Variants in PDE4D observed in about 807,000 individuals in gnomAD.
The protein encoded by PDE4D is phosphodiesterase 4D, also known as 3',5'-cyclic-AMP phosphodiesterase 4D.
In PDE4D, 24 loss-of-function variants were observed where a neutral mutation model predicts 87.4. The observed-to-expected ratio is 0.27, with a 90% CI of 0.20 to 0.39. The LOEUF (loss-of-function observed/expected upper bound fraction) is 0.39, where lower values mean the gene tolerates loss of function less well. Among genes scored for constraint, PDE4D ranks in the 10% least tolerant of loss-of-function variants. PDE4D has a pLI of 1.00. For synonymous variants in PDE4D, 384 were observed against 383.2 expected (o/e 1.00, Z -0.02); for missense variants, 714 against 1,041.0 (o/e 0.69, Z 4.32).
intron 1 of PDE4D, among the ~76,000 whole-genome samples, chr5:59,678,003 C>T (rs1484781446): frequency 2.0e-5 from 3 of 152,154 alleles, no homozygotes; most frequent in Non-Finnish European, 2.9e-5. Context: ...AAGTACTGAA[C>T]AAATGCTAAA....
chr5:59,342,193 A>G (rs570783749), intron 1 of PDE4D, among the ~76,000 whole-genome samples: 1 of 152,346 alleles, frequency 6.6e-6, no homozygotes, highest in South Asian at 2.1e-4. Flanking sequence ...TTATGATTTT[A>G]CATATCTTTG....
chr5:60,129,812 A>T (rs1779417368), intron 2 of PDE4D, among the ~76,000 whole-genome samples: 1 of 152,170 alleles, frequency 6.6e-6, no homozygotes, highest in Admixed American at 6.5e-5. Context: ...TGTCATATAG[A>T]TAATCAAAAT....
chr5:60,106,119 C>G (rs1235874247), intron 2 of PDE4D, among the ~76,000 whole-genome samples: 1 of 151,756 alleles, frequency 6.6e-6, no homozygotes, highest in Admixed American at 6.6e-5. Flanking sequence ...ACCCATCTCA[C>G]GTGCAGAGAC....
chr5:59,630,181 C>T (rs569750095), intron 1 of PDE4D, among the ~76,000 whole-genome samples: 3 of 152,274 alleles, frequency 2.0e-5, no homozygotes, highest in South Asian at 2.1e-4. Context: ...TGCACACATA[C>T]GCACATACGT....
intron 1 of PDE4D, among the ~76,000 whole-genome samples, chr5:60,190,808 C>CAG (rs1785142218): frequency 6.6e-6 from 1 of 152,184 alleles, no homozygotes; most frequent in Non-Finnish European, 1.5e-5. Context: ...TGCAATCTAC[C>CAG]TGTAACCACA....
chr5:59,603,229 G>A (rs1200366692), intron 1 of PDE4D, among the ~76,000 whole-genome samples: 3 of 151,890 alleles, frequency 2.0e-5, no homozygotes, highest in Non-Finnish European at 4.4e-5. Context: ...TACAGATTAG[G>A]AGAAAATATT....
intron 2 of PDE4D, among the ~76,000 whole-genome samples, chr5:60,088,471 T>G (rs1774770260): frequency 1.3e-5 from 2 of 151,920 alleles, no homozygotes; most frequent in South Asian, 4.1e-4. Context: ...TGATTAAGAG[T>G]TAGGCAATAT....
intron 2 of PDE4D, among the ~76,000 whole-genome samples, chr5:60,003,438 G>A (rs921462693): frequency 3.9e-5 from 6 of 152,040 alleles, no homozygotes; most frequent in African/African-American, 1.4e-4. Flanking sequence ...ATGGCTGGGC[G>A]TGGTGACTCA....
chr5:60,107,677 A>C (rs1204341316), intron 2 of PDE4D, among the ~76,000 whole-genome samples: 1 of 152,224 alleles, frequency 6.6e-6, no homozygotes, highest in African/African-American at 2.4e-5. Context: ...AGTGGGCTTC[A>C]TCCCTGGGAT....
intron 1 of PDE4D, among the ~76,000 whole-genome samples, chr5:60,210,356 T>A (rs573257951): frequency 1.7e-3 from 262 of 151,842 alleles, no homozygotes; most frequent in African/African-American, 5.6e-3. Flanking sequence ...TGTTTTTTTT[T>A]TAAAAAAACA....
At chr5:60,150,634 T>C (rs2149440757) in intron 2 of PDE4D, among the ~76,000 whole-genome samples, 1 of 152,302 alleles carries the variant, frequency 6.6e-6, no homozygotes, top group East Asian at 1.9e-4. Flanking sequence ...TTCTGTGTCC[T>C]CTGTCATTAT....
At chr5:59,363,015 T>A (rs933534968) in intron 1 of PDE4D, among the ~76,000 whole-genome samples, 1 of 152,198 alleles carries the variant, frequency 6.6e-6, no homozygotes, top group Non-Finnish European at 1.5e-5. Flanking sequence ...ACTTGGACAC[T>A]TCCTGTGCAC....
chr5:59,556,782 A>T (rs895699910), intron 1 of PDE4D, among the ~76,000 whole-genome samples: 7 of 152,134 alleles, frequency 4.6e-5, no homozygotes, highest in East Asian at 1.9e-4. Context: ...TTAAAAAAAA[A>T]TTATTGACTT....
At chr5:59,015,278 C>G (rs1210641022) in intron 6 of PDE4D, among the ~76,000 whole-genome samples, 6 of 151,828 alleles carry the variant, frequency 4.0e-5, no homozygotes, top group Non-Finnish European at 1.5e-5. Context: ...CAAATGGGAT[C>G]TAATTAAACT....
chr5:59,561,948 T>A (rs896497184), intron 1 of PDE4D, among the ~76,000 whole-genome samples: 1 of 148,384 alleles, frequency 6.7e-6, no homozygotes, highest in Non-Finnish European at 1.5e-5. Flanking sequence ...AAAAAAAAAA[T>A]TAAATAAAAT....
intron 1 of PDE4D, among the ~76,000 whole-genome samples, chr5:59,736,799 T>C (rs1333938605): frequency 1.3e-5 from 2 of 152,152 alleles, no homozygotes; most frequent in Non-Finnish European, 2.9e-5. Flanking sequence ...ACAGCAGCAT[T>C]AACTATACCA....
At chr5:59,622,888 A>G (rs1049655938) in intron 1 of PDE4D, among the ~76,000 whole-genome samples, 1 of 152,136 alleles carries the variant, frequency 6.6e-6, no homozygotes, top group Non-Finnish European at 1.5e-5. Flanking sequence ...CTCATATCCC[A>G]TTATCACCAC....
chr5:59,560,452 T>A (rs1433433071), intron 1 of PDE4D, among the ~76,000 whole-genome samples: 1 of 152,192 alleles, frequency 6.6e-6, no homozygotes, highest in African/African-American at 2.4e-5. Context: ...GAACTCCAAT[T>A]CAGGGTTAGA....
chr5:60,047,743 T>C (rs1012562748), intron 2 of PDE4D, among the ~76,000 whole-genome samples: 7 of 152,228 alleles, frequency 4.6e-5, no homozygotes, highest in Admixed American at 2.6e-4. Flanking sequence ...TAGTTTGTTA[T>C]AATTTCTGTT....
Sources: allele counts gnomAD v4.1 joint callset (sites outside exome capture counted in the v4.1 genomes callset), GRCh38; gene constraint gnomAD v4.1.1; transcripts MANE v1.5; gene names NCBI Gene and HGNC (gene_info 2026-07-23, HGNC 2026-07-21).